Variants in MSRB3 observed in about 807,000 individuals in gnomAD.
MSRB3 encodes methionine sulfoxide reductase B3.
In MSRB3, 13 loss-of-function variants were observed where a neutral mutation model predicts 21.0. That is an observed-to-expected ratio of 0.62 (90% CI 0.40 to 0.98). MSRB3 has a LOEUF of 0.98. Among genes scored for constraint, MSRB3 ranks in the 50% least tolerant of loss-of-function variants. The pLI, the probability that MSRB3 is intolerant of heterozygous loss-of-function variation, is 0.00. For missense variants in MSRB3, 199 were observed against 230.3 expected, an observed-to-expected ratio of 0.86 and a Z score of 0.88; for synonymous variants, 87 against 88.6, an observed-to-expected ratio of 0.98 and a Z score of 0.10.
intron 4 of MSRB3, among the ~76,000 whole-genome samples, chr12:65,358,477 GT>G (rs1243505695): frequency 6.6e-5 from 10 of 151,806 alleles, no homozygotes; most frequent in African/African-American, 2.4e-4. Context: ...ATTGTTCCAG[GT>G]TTGGCCATTG....
Position 65,455,740 on chromosome 12 carries a change from G to T in MSRB3, c.390+1915G>T, listed in dbSNP as rs532441859. 3.3e-4 allele frequency among the ~76,000 whole-genome samples: 50 copies of T among 151,730 alleles called. No individual in the cohort carries two copies. The South Asian group carries it at 7.5e-3, about 23-fold the overall frequency. Reference sequence around the variant, plus strand: ...TTGGCTTAATGCGATATAGTTTGGGGTTTTTTTTGTTTTTGAAATGGGATC... The same window carrying T: ...TTGGCTTAATGCGATATAGTTTGGGTTTTTTTTTGTTTTTGAAATGGGATC... On this transcript the variant is annotated intron_variant, in intron 6 of 6. Transcript: ENST00000308259.
chr12:65,399,495 AT>A (rs1880000947), intron 5 of MSRB3, among the ~76,000 whole-genome samples: 2 of 152,064 alleles, frequency 1.3e-5, no homozygotes, highest in African/African-American at 4.8e-5. Context: ...GCTTAAGGAG[AT>A]TTTGGGCTGA....
chr12:65,297,149 T>C (rs1189265023), intron 1 of MSRB3, among the ~76,000 whole-genome samples: 1 of 151,940 alleles, frequency 6.6e-6, no homozygotes. Flanking sequence ...TGTTCTCACT[T>C]ATAAGTGGGG....
At chr12:65,383,634 G>C (rs1879055719) in intron 5 of MSRB3, among the ~76,000 whole-genome samples, 1 of 150,568 alleles carries the variant, frequency 6.6e-6, no homozygotes, top group South Asian at 2.1e-4. Flanking sequence ...TCACATAAAT[G>C]AACAAAGAGA....
At position 65,426,762 on chromosome 12, in the gene MSRB3, G is replaced by A. The variant is rs1159306766; in HGVS notation, c.293-26966G>A. Among the ~76,000 whole-genome samples the A allele has an allele frequency of 2.0e-5, 3 of 151,812 alleles. No homozygotes were observed. The East Asian group carries it at 5.8e-4, about 29-fold the overall frequency. ...TCTTTTTCTTTTATTCTCTCTGACT[G>A]TATTTTTTAAGATAACTTGTCTTTG... On this transcript the variant is annotated intron_variant, in intron 5 of 6. Coordinates refer to ENST00000308259, the MANE Select transcript of MSRB3 (RefSeq NM_001031679.3).
At chr12:65,340,198 A>G (rs1371591591) in intron 4 of MSRB3, among the ~76,000 whole-genome samples, 1 of 152,232 alleles carries the variant, frequency 6.6e-6, no homozygotes, top group Non-Finnish European at 1.5e-5. Flanking sequence ...GGGCTGAAAA[A>G]TGCAATAACT....
intron 4 of MSRB3, among the ~76,000 whole-genome samples, chr12:65,358,116 T>C (rs1444678227): frequency 6.6e-6 from 1 of 151,818 alleles, no homozygotes; most frequent in Admixed American, 6.6e-5. Flanking sequence ...TTATTTATTA[T>C]CATTATTTTT....
intron 4 of MSRB3, among the ~76,000 whole-genome samples, chr12:65,345,308 T>C (rs1196957686): frequency 6.6e-6 from 1 of 152,028 alleles, no homozygotes; most frequent in East Asian, 1.9e-4. Flanking sequence ...GTTGATATTG[T>C]GTTCTGTGAA....
chr12:65,396,742 A>AAG (rs1270530853), intron 5 of MSRB3, among the ~76,000 whole-genome samples: 1 of 146,538 alleles, frequency 6.8e-6, no homozygotes, highest in African/African-American at 2.6e-5. Flanking sequence ...GAAAGAAAGA[A>AAG]AGAAAGAAAG....
intron 5 of MSRB3, among the ~76,000 whole-genome samples, chr12:65,446,815 C>T (rs916111596): frequency 2.0e-5 from 3 of 152,102 alleles, no homozygotes; most frequent in East Asian, 1.9e-4. Flanking sequence ...GAGTTGTTGC[C>T]GATGCCCAGC....
At chr12:65,358,852 G>T (rs1055927018) in intron 4 of MSRB3, among the ~76,000 whole-genome samples, 7 of 151,886 alleles carry the variant, frequency 4.6e-5, no homozygotes, top group Non-Finnish European at 8.8e-5. Flanking sequence ...TTACAATGGT[G>T]TTTAAAGTTG....
Position 65,350,452 on chromosome 12 carries a change from C to T in MSRB3, c.264-18546C>T, listed in dbSNP as rs551854810. ...CATCATAATGACAGGATCAAATTCA[C>T]ACGTAACAATATTAACTTTAAATGT... On this transcript the variant is annotated intron_variant, in intron 4 of 6. Transcript: ENST00000308259. Among the ~76,000 whole-genome samples the T allele has an allele frequency of 4.1e-4, 62 of 151,226 alleles. 2 individuals carry two copies. In the South Asian group the frequency reaches 0.012, roughly 30 times the overall value.
At chr12:65,288,307 C>CAA (rs921177297) in intron 1 of MSRB3, among the ~76,000 whole-genome samples, 103 of 63,772 alleles carry the variant, frequency 1.6e-3, no homozygotes, top group African/African-American at 4.1e-3. Context: ...GTCCCCCCCG[C>CAA]AAAAAAAAAA....
intron 5 of MSRB3, among the ~76,000 whole-genome samples, chr12:65,387,078 C>A (rs1879229931): frequency 6.6e-6 from 1 of 151,896 alleles, no homozygotes. Flanking sequence ...GATTACAGTA[C>A]AACAGCAGTA....
At chr12:65,397,767 C>T (rs1162465998) in intron 5 of MSRB3, among the ~76,000 whole-genome samples, 1 of 152,138 alleles carries the variant, frequency 6.6e-6, no homozygotes, top group Non-Finnish European at 1.5e-5. Context: ...TAGCCCCCAA[C>T]ACCCTGACAG....
chr12:65,330,329 C>T (rs1285127944), intron 4 of MSRB3, among the ~76,000 whole-genome samples: 2 of 152,212 alleles, frequency 1.3e-5, no homozygotes, highest in African/African-American at 4.8e-5. Context: ...TCTATTTCAT[C>T]TACTTCTGTG....
intron 2 of MSRB3, among the ~76,000 whole-genome samples, chr12:65,325,568 T>A (rs904307427): frequency 2.2e-4 from 33 of 152,146 alleles, no homozygotes; most frequent in African/African-American, 7.7e-4. Context: ...GGTAACCGGC[T>A]AGACAATATT....
rs146189187 is a variant in MSRB3, at chr12:65,418,810, A to G, written c.293-34918A>G. ...GGTGGTGGTCTTTTGGATGGTTTGCATGGAGTTACTGCTGTCCAAGGCATC... is the reference window on the plus strand; with the variant it reads ...GGTGGTGGTCTTTTGGATGGTTTGCGTGGAGTTACTGCTGTCCAAGGCATC... On this transcript the variant is annotated intron_variant, in intron 5 of 6. Coordinates refer to ENST00000308259, the MANE Select transcript of MSRB3 (RefSeq NM_001031679.3). 4.6e-3 allele frequency: 4,337 copies of G among 933,824 alleles called. 136 individuals are homozygous for G. In the African/African-American group the frequency reaches 0.063, roughly 14 times the overall value. The allele number at this position is 933,824 out of a possible 1,614,324, so 57.8% of individuals were successfully genotyped here.
intron 5 of MSRB3, among the ~76,000 whole-genome samples, chr12:65,370,434 A>G (rs1404101598): frequency 6.6e-6 from 1 of 152,182 alleles, no homozygotes; most frequent in Non-Finnish European, 1.5e-5. Context: ...AATTCCCTAA[A>G]CATCAAGTCA....
Sources: gnomAD v4.1 joint callset for allele counts (sites outside exome capture counted in the v4.1 genomes callset) on GRCh38, gnomAD v4.1.1 for gene constraint, MANE v1.5 for transcripts, NCBI Gene and HGNC (gene_info 2026-07-23, HGNC 2026-07-21) for gene names.